The following GMDS variants were observed in gnomAD, a reference collection of about 807,000 sequenced individuals.
GMDS encodes GDP-mannose 4,6-dehydratase, also known as GDP-mannose 4,6 dehydratase.
Under a neutral mutation model 49.9 loss-of-function variants are expected in GMDS, and 20 were observed. The ratio of observed to expected loss-of-function variants is 0.40; its 90% CI spans 0.28 to 0.58. The LOEUF is 0.58. GMDS is among the 20% of genes least tolerant of loss of function. The pLI is 0.42. For synonymous variants in GMDS, 177 were observed against 178.6 expected, an observed-to-expected ratio of 0.99 and a Z score of 0.07; for missense variants, 362 against 481.4, an observed-to-expected ratio of 0.75 and a Z score of 2.32.
intron 6 of GMDS, among the ~76,000 whole-genome samples, chr6:1,940,288 C>CT (rs1762760898): frequency 6.6e-6 from 1 of 152,256 alleles, no homozygotes; most frequent in Non-Finnish European, 1.5e-5. Context: ...CTCAATACTT[C>CT]ATCCAAAAGC....
intron 7 of GMDS, among the ~76,000 whole-genome samples, chr6:1,819,817 C>T (rs1770820609): frequency 6.9e-6 from 1 of 145,892 alleles, no homozygotes; most frequent in South Asian, 2.2e-4. Flanking sequence ...GGTTATGTTT[C>T]TCATAGAGAT....
intron 4 of GMDS, among the ~76,000 whole-genome samples, chr6:2,060,191 C>T (rs1023614739): frequency 5.9e-5 from 9 of 152,110 alleles, no homozygotes; most frequent in African/African-American, 2.2e-4. Flanking sequence ...CCAAGCAAGG[C>T]GACCCTGGCG....
At chr6:2,164,254 C>A (rs1310218183) in intron 1 of GMDS, among the ~76,000 whole-genome samples, 1 of 152,160 alleles carries the variant, frequency 6.6e-6, no homozygotes, top group Non-Finnish European at 1.5e-5. Context: ...AATATACATG[C>A]CCACATTTGT....
intron 4 of GMDS, among the ~76,000 whole-genome samples, chr6:1,966,798 C>T (rs1581434358): frequency 6.6e-6 from 1 of 152,270 alleles, no homozygotes; most frequent in East Asian, 1.9e-4. Flanking sequence ...TAAATAGCAC[C>T]CATTCCAAGC....
At chr6:1,719,807 T>C (rs916568085) in intron 9 of GMDS, among the ~76,000 whole-genome samples, 2 of 152,234 alleles carry the variant, frequency 1.3e-5, no homozygotes, top group Non-Finnish European at 2.9e-5. Flanking sequence ...CAACTAATTG[T>C]TCCTCCTATG....
chr6:2,131,778 C>G (rs1244735180), intron 1 of GMDS, among the ~76,000 whole-genome samples: 1 of 151,458 alleles, frequency 6.6e-6, no homozygotes, highest in African/African-American at 2.4e-5. Context: ...ATGCCCAAGG[C>G]ATACAGTATC....
chr6:1,987,420 C>T (rs139378239), intron 4 of GMDS, among the ~76,000 whole-genome samples: 177 of 152,222 alleles, frequency 1.2e-3, no homozygotes, highest in South Asian at 4.3e-3. Flanking sequence ...GCTTAAGACA[C>T]ATTGAGTATT....
intron 1 of GMDS, among the ~76,000 whole-genome samples, chr6:2,127,281 T>G (rs1476422417): frequency 6.6e-6 from 1 of 152,210 alleles, no homozygotes; most frequent in East Asian, 1.9e-4. Context: ...GAAAGCCCTG[T>G]AAAGTATGAA....
At chr6:1,657,770 C>T (rs935673145) in intron 9 of GMDS, among the ~76,000 whole-genome samples, 2 of 150,630 alleles carry the variant, frequency 1.3e-5, no homozygotes, top group African/African-American at 4.9e-5. Flanking sequence ...CTTACTTTCT[C>T]TCTCCCTGGA....
rs1165351303 is a variant in GMDS, at chr6:2,221,628, TC to T, written c.102+23692del. Among the ~76,000 whole-genome samples the T allele has an allele frequency of 2.6e-5, 4 of 152,338 alleles. No individual in the cohort carries two copies. The East Asian group carries it at 7.7e-4, about 29-fold the overall frequency. On this transcript the variant is annotated intron_variant, in intron 1 of 10. Coordinates refer to ENST00000380815, the MANE Select transcript of GMDS (RefSeq NM_001500.4). The stretch of plus-strand genomic sequence containing the variant: ...TGGTCTCCATATCCTGACCTCGTGA[TC>T]CGACTGCCTCGGCCTCCCAAAGTGC...
At position 2,154,261 on chromosome 6, in the gene GMDS, A is replaced by G. The variant is rs188255578; in HGVS notation, c.103-29530T>C. ...TCTTCTTCAGCTGTTGGCCCAGTCCACATTTTTCTGACTTAAAAGAAAAAT... is the reference window on the plus strand; with the variant it reads ...TCTTCTTCAGCTGTTGGCCCAGTCCGCATTTTTCTGACTTAAAAGAAAAAT... On this transcript the variant is annotated intron_variant, in intron 1 of 10. Coordinates refer to ENST00000380815, the MANE Select transcript of GMDS (RefSeq NM_001500.4). 2.2e-4 allele frequency among the ~76,000 whole-genome samples: 33 copies of G among 152,300 alleles called. No individual in the cohort carries two copies. In the East Asian group the frequency reaches 6.0e-3, roughly 28 times the overall value.
At chr6:2,091,786 C>T (rs553833701) in intron 4 of GMDS, among the ~76,000 whole-genome samples, 2 of 151,772 alleles carry the variant, frequency 1.3e-5, no homozygotes, top group Non-Finnish European at 2.9e-5. Flanking sequence ...AGCTGTGGTC[C>T]CAGCTACTCG....
Position 1,682,633 on chromosome 6 carries a change from A to G in GMDS, c.987+43783T>C, listed in dbSNP as rs1444031940. 3.8e-3 allele frequency among the ~76,000 whole-genome samples: 9 copies of G among 2,390 alleles called. 4 individuals are homozygous for G. The highest frequency in any genetic ancestry group is 0.014 in the African/African-American group (9 of 622). The allele number at this position is 2,390 out of a possible 152,430, so 1.6% of individuals were successfully genotyped here. ...CGCCCAGGCTGGAGTGCAGTGGCGC[A>G]ATCTCGGCTCACTGCAAGCTCCGCC... On this transcript the variant is annotated intron_variant, in intron 9 of 10. Coordinates refer to ENST00000380815, the MANE Select transcript of GMDS (RefSeq NM_001500.4).
intron 4 of GMDS, among the ~76,000 whole-genome samples, chr6:2,093,818 T>C (rs769968176): frequency 4.6e-5 from 7 of 151,910 alleles, no homozygotes; most frequent in Non-Finnish European, 8.8e-5. Context: ...GGTGTTAAGA[T>C]TTTAGGTAAC....
chr6:1,931,571 C>T (rs770910876), intron 6 of GMDS, among the ~76,000 whole-genome samples: 4 of 152,056 alleles, frequency 2.6e-5, no homozygotes, highest in Non-Finnish European at 2.9e-5. Context: ...AAGTGCCTTT[C>T]GAAATGAAAA....
At chr6:1,785,895 C>T (rs534817715) in intron 7 of GMDS, among the ~76,000 whole-genome samples, 5 of 152,340 alleles carry the variant, frequency 3.3e-5, no homozygotes, top group African/African-American at 9.6e-5. Context: ...ATGACATTTC[C>T]TTTGTGAAAA....
intron 4 of GMDS, among the ~76,000 whole-genome samples, chr6:1,998,187 T>A (rs1256268700): frequency 6.6e-6 from 1 of 152,146 alleles, no homozygotes; most frequent in Non-Finnish European, 1.5e-5. Context: ...AAATGTCATA[T>A]CCAGGAGTTA....
At chr6:1,945,940 T>C (rs1237381081) in intron 6 of GMDS, among the ~76,000 whole-genome samples, 1 of 152,150 alleles carries the variant, frequency 6.6e-6, no homozygotes, top group Non-Finnish European at 1.5e-5. Flanking sequence ...GTCTATAAAC[T>C]AAACACCATG....
intron 3 of GMDS, among the ~76,000 whole-genome samples, 175 bp downstream of exon 3, chr6:2,117,294 T>G (rs1774896926): frequency 6.6e-6 from 1 of 152,158 alleles, no homozygotes; most frequent in African/African-American, 2.4e-5. Flanking sequence ...CCTAGGGCAG[T>G]GAGCAGGGAA....
Sources: gnomAD v4.1 joint callset for allele counts (sites outside exome capture counted in the v4.1 genomes callset) on GRCh38, gnomAD v4.1.1 for gene constraint, MANE v1.5 for transcripts, NCBI Gene and HGNC (gene_info 2026-07-23, HGNC 2026-07-21) for gene names.